Variants in PC observed in about 807,000 individuals in gnomAD.
PC encodes pyruvate carboxylase.
PC carries 46 observed loss-of-function variants against 107.8 expected under a neutral mutation model. That is an observed-to-expected ratio of 0.43 (90% confidence interval 0.34 to 0.55). PC has a LOEUF of 0.55. Among genes scored for constraint, PC ranks in the 20% least tolerant of loss-of-function variants. The pLI is 0.04. For synonymous variants in PC, 662 were observed against 684.7 expected (o/e 0.97, Z 0.52); for missense variants, 1,241 against 1,643.1 (o/e 0.76, Z 4.23).
chr11:66,898,186 G>A (rs1288188225), intron 3 of PC, among the ~76,000 whole-genome samples: 1 of 152,172 alleles, frequency 6.6e-6, no homozygotes, highest in Non-Finnish European at 1.5e-5. Flanking sequence ...TCCTGAAAAA[G>A]CAGCTGAGGG....
intron 3 of PC, among the ~76,000 whole-genome samples, chr11:66,939,804 C>CAAAAAAAAAAAAAAAAAAAAAAACAAAAA (rs56761659): frequency 5.0e-5 from 2 of 40,160 alleles, no homozygotes; most frequent in Non-Finnish European, 8.3e-5. Context: ...AACTCCGTCT[C>CAAAAAAAAAAAAAAAAAAAAAAACAAAAA]AAAAAAAAAA....
intron 3 of PC, among the ~76,000 whole-genome samples, chr11:66,874,150 G>T (rs549312431): frequency 1.3e-5 from 2 of 152,218 alleles, no homozygotes; most frequent in East Asian, 3.9e-4. Context: ...AGTAGAGACA[G>T]GGTTTCACCA....
intron 12 of PC, among the ~76,000 whole-genome samples, chr11:66,855,312 T>C (rs922230760): frequency 3.3e-5 from 5 of 152,276 alleles, no homozygotes; most frequent in Non-Finnish European, 7.4e-5. Flanking sequence ...AACATCTATA[T>C]TTAGAGTGAA....
intron 3 of PC, among the ~76,000 whole-genome samples, chr11:66,941,101 G>C (rs958306276): frequency 8.7e-6 from 1 of 115,588 alleles, no homozygotes; most frequent in Non-Finnish European, 1.9e-5. Context: ...AAAAAAAAAA[G>C]GTGCTCAACA....
chr11:66,905,069 C>A (rs1269605344), intron 3 of PC, among the ~76,000 whole-genome samples: 1 of 152,200 alleles, frequency 6.6e-6, no homozygotes, highest in African/African-American at 2.4e-5. Context: ...CAAGTGTTTA[C>A]TGAGCAACAA....
intron 3 of PC, among the ~76,000 whole-genome samples, chr11:66,898,962 C>T (rs1947857133): frequency 6.6e-6 from 1 of 152,082 alleles, no homozygotes. Context: ...CCTCTGCCTC[C>T]CGGGTTCAAG....
intron 3 of PC, among the ~76,000 whole-genome samples, chr11:66,886,399 A>G (rs1010014626): frequency 6.6e-6 from 1 of 152,126 alleles, no homozygotes; most frequent in Admixed American, 6.5e-5. Flanking sequence ...AGTGTCCTCT[A>G]TGTCGGGATG....
chr11:66,955,919 C>A (rs554533717), intron 1 of PC, among the ~76,000 whole-genome samples: 2 of 152,070 alleles, frequency 1.3e-5, no homozygotes, highest in African/African-American at 2.4e-5. Context: ...ATTACAGGTG[C>A]CCGCCACCAG....
chr11:66,905,816 C>T (rs1948146693), intron 3 of PC, among the ~76,000 whole-genome samples: 1 of 152,156 alleles, frequency 6.6e-6, no homozygotes, highest in African/African-American at 2.4e-5. Flanking sequence ...AGCATGCTCC[C>T]TCCCCACCCG....
intron 3 of PC, among the ~76,000 whole-genome samples, chr11:66,888,425 C>T (rs938954956): frequency 5.9e-5 from 9 of 152,170 alleles, no homozygotes; most frequent in African/African-American, 2.2e-4. Context: ...GGGATGGGCA[C>T]GAACAAAACA....
At chr11:66,867,989 T>C (rs1292796502) in intron 10 of PC, among the ~76,000 whole-genome samples, 3 of 152,242 alleles carry the variant, frequency 2.0e-5, no homozygotes, top group African/African-American at 7.2e-5. Flanking sequence ...AGAAATTACA[T>C]GGCTCATAGT....
At chr11:66,921,902 T>C (rs1289906742) in intron 3 of PC, among the ~76,000 whole-genome samples, 1 of 152,184 alleles carries the variant, frequency 6.6e-6, no homozygotes, top group Non-Finnish European at 1.5e-5. Flanking sequence ...TTCCCCACAC[T>C]TTGGAACTGT....
intron 3 of PC, among the ~76,000 whole-genome samples, chr11:66,873,543 A>G (rs1459920101): frequency 9.8e-6 from 1 of 102,412 alleles, no homozygotes; most frequent in East Asian, 2.3e-4. Flanking sequence ...TATATTATAT[A>G]TAATATTATA....
Position 66,852,650 on chromosome 11 carries a change from C to G in PC, c.1614G>C (p.Pro538=). Residue 538 remains proline (P), a synonymous_variant, in exon 15 of 23, where the codon CCG becomes CCC. Transcript: ENST00000393960. This position sits in a 1 kb window ranked among gnomAD's most constrained non-coding sequence, Gnocchi z 4.7. ...GCAGCAGGATGTCTCTGAAACCAGC[C>G]GGGGGCGGGCCTAGGGTAGACAGGG... ...VVPAVPIGPP[P]AGFRDILLRE... 1.9e-6 allele frequency: 3 copies of G among 1,613,610 alleles called. No individual in the cohort carries two copies. The highest frequency in any genetic ancestry group is 2.5e-6 in the Non-Finnish European group (3 of 1,179,676).
rs538296560 is a variant in PC, at chr11:66,849,479, A to C, written c.3148-109T>G. 3.7e-6 allele frequency: 6 copies of C among 1,603,328 alleles called. No homozygotes were observed. In the South Asian group the frequency reaches 5.5e-5, roughly 15 times the overall value. Reference sequence around the variant, plus strand: ...CTGGGCCTTGGCTCCTCGTTCCTAAAGGCCTAGCTCCCGGTCTCAAGGGTC... The same window carrying C: ...CTGGGCCTTGGCTCCTCGTTCCTAACGGCCTAGCTCCCGGTCTCAAGGGTC... On this transcript the variant is annotated intron_variant, in intron 21 of 22. Transcript: ENST00000393960.
intron 3 of PC, among the ~76,000 whole-genome samples, chr11:66,906,101 G>A (rs999049915): frequency 2.0e-5 from 3 of 152,168 alleles, no homozygotes; most frequent in African/African-American, 7.2e-5. Context: ...TTGTGGGGAA[G>A]GGCAGCACCA....
intron 3 of PC, among the ~76,000 whole-genome samples, chr11:66,943,881 G>C (rs1470084521): frequency 6.6e-6 from 1 of 150,522 alleles, no homozygotes; most frequent in African/African-American, 2.4e-5. Context: ...CTAATAGAGA[G>C]GCTGAGGCAG....
chr11:66,859,000 G>T lies in PC; in HGVS notation c.1368+4774C>A, dbSNP rs1479919961. On this transcript the variant is annotated intron_variant, in intron 12 of 22. Transcript: ENST00000393960. The surrounding 1 kb of genome is among the most constrained non-coding windows in gnomAD (Gnocchi z 5.9). Reference sequence around the variant, plus strand: ...GTGACGGAGGTGACCGCCACCTCAGGGCTGGTGAGCTGGGGTCCCGGGCGG... The same window carrying T: ...GTGACGGAGGTGACCGCCACCTCAGTGCTGGTGAGCTGGGGTCCCGGGCGG... 1.3e-6 allele frequency: 2 copies of T among 1,538,064 alleles called. No homozygotes were observed. Among genetic ancestry groups the T allele is most frequent in the Non-Finnish European group, 1.8e-6 (2 of 1,140,958 alleles).
chr11:66,913,433 C>T (rs1057121423), intron 3 of PC, among the ~76,000 whole-genome samples: 1 of 151,828 alleles, frequency 6.6e-6, no homozygotes, highest in Non-Finnish European at 1.5e-5. Flanking sequence ...GCTTGTAATC[C>T]CAGCACTTTG....
Sources: gnomAD v4.1 joint callset for allele counts (sites outside exome capture counted in the v4.1 genomes callset) on GRCh38, gnomAD v4.1.1 for gene constraint, Gnocchi (gnomAD v3.1) non-coding constraint, MANE v1.5 for transcripts, NCBI Gene and HGNC (gene_info 2026-07-23, HGNC 2026-07-21) for gene names.